The following CUL1 variants were observed in gnomAD, a reference collection of about 807,000 sequenced individuals.
The protein encoded by CUL1 is cullin-1.
CUL1 carries 24 observed loss-of-function variants against 118.0 expected under a neutral mutation model. The ratio of observed to expected loss-of-function variants is 0.20; its 90% CI spans 0.15 to 0.29. CUL1 has a LOEUF of 0.29. CUL1 is among the 10% of genes least tolerant of loss of function. CUL1 has a pLI of 1.00. For missense variants in CUL1, 361 were observed against 933.8 expected (o/e 0.39, Z 7.99); for synonymous variants, 332 against 340.4 (o/e 0.98, Z 0.27).
intron 1 of CUL1, among the ~76,000 whole-genome samples, chr7:148,721,997 A>G (rs1190733601): frequency 1.3e-5 from 2 of 152,236 alleles, no homozygotes; most frequent in Admixed American, 1.3e-4. Context: ...TATGTGCCAC[A>G]CTGCAAGTAA....
chr7:148,746,572 A>G (rs1799315675), intron 2 of CUL1, among the ~76,000 whole-genome samples: 1 of 152,220 alleles, frequency 6.6e-6, no homozygotes, highest in South Asian at 2.1e-4. Flanking sequence ...GGACAACGTT[A>G]TGTGGAAAAA....
chr7:148,798,766 A>G, intron 20 of CUL1, 89 bp downstream of exon 20: 1 of 1,044,822 alleles, frequency 9.6e-7, no homozygotes. Context: ...GGCGGGGGTG[A>G]CAAAGGAGTG....
chr7:148,793,774 TATAGA>T (rs1801096073), intron 17 of CUL1, among the ~76,000 whole-genome samples: 1 of 152,226 alleles, frequency 6.6e-6, no homozygotes, highest in African/African-American at 2.4e-5. Context: ...TATACCTAGG[TATAGA>T]ATTGCTGAGT....
intron 2 of CUL1, among the ~76,000 whole-genome samples, chr7:148,746,971 G>GT (rs367654555): frequency 1.3e-5 from 2 of 152,184 alleles, no homozygotes; most frequent in East Asian, 1.9e-4. Context: ...CTTGTTACGA[G>GT]TTTTTTGCCA....
chr7:148,736,490 A>G (rs1389620437), intron 2 of CUL1, among the ~76,000 whole-genome samples: 2 of 152,012 alleles, frequency 1.3e-5, no homozygotes, highest in South Asian at 2.1e-4. Context: ...TTTTGCAGAC[A>G]TGGAGTCTTG....
intron 1 of CUL1, among the ~76,000 whole-genome samples, chr7:148,716,962 T>G (rs776754514): frequency 6.6e-6 from 1 of 152,336 alleles, no homozygotes; most frequent in Non-Finnish European, 1.5e-5. Flanking sequence ...ATCTGTCATG[T>G]TATTAGATCT....
chr7:148,760,233 T>C, intron 6 of CUL1, 100 bp from the exon 7 acceptor site: 1 of 967,550 alleles, frequency 1.0e-6, no homozygotes. Flanking sequence ...CACATTTACC[T>C]TTTAAACATA....
intron 7 of CUL1, among the ~76,000 whole-genome samples, chr7:148,761,225 T>C (rs1799815607): frequency 6.6e-6 from 1 of 151,690 alleles, no homozygotes. Flanking sequence ...ATAGATATCC[T>C]GGCTGGGCGT....
chr7:148,754,129 T>G lies in CUL1; in HGVS notation c.294T>G (p.Asn98Lys). 6.2e-7 allele frequency: 1 copy of G among 1,607,800 alleles called. No individual in the cohort carries two copies. The highest frequency in any genetic ancestry group is 8.5e-7 in the Non-Finnish European group (1 of 1,176,832). The change falls in exon 3 of 22, where the codon AAT becomes AAG. Residue 98 changes from asparagine to lysine, a missense_variant. Transcript: ENST00000325222. Reference protein sequence around the residue: ...LYKRLKEFLKNYLTNLLKDGE... With the variant: ...LYKRLKEFLKKYLTNLLKDGE... ...AACGACTTAAGGAATTTTTGAAGAA[T>G]TACTTGACAAATCTTCTTAAGGTAA...
chr7:148,741,620 G>T (rs1016296100), intron 2 of CUL1, among the ~76,000 whole-genome samples: 5 of 143,110 alleles, frequency 3.5e-5, no homozygotes, highest in Non-Finnish European at 7.5e-5. Context: ...GGTGTTTGTA[G>T]TAGAGACAGG....
At chr7:148,783,740 C>G (rs1800731814) in intron 9 of CUL1, 43 bp from the exon 10 acceptor site, 2 of 1,601,764 alleles carry the variant, frequency 1.2e-6, no homozygotes, top group Admixed American at 3.3e-5. Context: ...ACAATTTAAT[C>G]CCCAATAACC....
chr7:148,763,365 A>T (rs2129460621), intron 7 of CUL1, among the ~76,000 whole-genome samples: 1 of 152,318 alleles, frequency 6.6e-6, no homozygotes, highest in South Asian at 2.1e-4. Context: ...CACGACTTCC[A>T]TCATATTCTG....
At chr7:148,718,437 T>G (rs1392712471) in intron 1 of CUL1, among the ~76,000 whole-genome samples, 1 of 152,212 alleles carries the variant, frequency 6.6e-6, no homozygotes, top group Non-Finnish European at 1.5e-5. Flanking sequence ...CTCTATAGAT[T>G]TGCCTATTCT....
chr7:148,760,539 C>A, intron 7 of CUL1, 43 bp downstream of exon 7: 1 of 1,372,046 alleles, frequency 7.3e-7, no homozygotes, highest in South Asian at 1.4e-5. Context: ...AAGTTAAAGT[C>A]ATTGCTACTC....
chr7:148,749,369 T>C (rs1799408366), intron 2 of CUL1, among the ~76,000 whole-genome samples: 2 of 137,040 alleles, frequency 1.5e-5, no homozygotes, highest in Admixed American at 1.6e-4. Context: ...TGAGCCAAGA[T>C]TGTGCCACAG....
chr7:148,778,030 T>TCCTGCACTCCTG (rs1453350116), intron 9 of CUL1, among the ~76,000 whole-genome samples: 1 of 121,602 alleles, frequency 8.2e-6, no homozygotes, highest in Non-Finnish European at 1.6e-5. Flanking sequence ...GCCACTGCAC[T>TCCTGCACTCCTG]CCTGCACTCC....
intron 3 of CUL1, among the ~76,000 whole-genome samples, chr7:148,756,351 G>T (rs932374746): frequency 2.0e-5 from 3 of 151,884 alleles, no homozygotes; most frequent in Admixed American, 1.3e-4. Flanking sequence ...TTTGGGAAGG[G>T]GTGCGGCGGA....
At chr7:148,774,649 A>G (rs1338805589) in intron 9 of CUL1, among the ~76,000 whole-genome samples, 1 of 152,224 alleles carries the variant, frequency 6.6e-6, no homozygotes, top group Non-Finnish European at 1.5e-5. Context: ...AGTAGCAACA[A>G]AAAAGCACAA....
intron 7 of CUL1, among the ~76,000 whole-genome samples, chr7:148,764,295 G>T (rs1297934802): frequency 1.3e-5 from 2 of 152,138 alleles, no homozygotes; most frequent in Admixed American, 6.5e-5. Context: ...TGATGATCAG[G>T]AGCCTATTTG....
Sources: allele counts gnomAD v4.1 joint callset (sites outside exome capture counted in the v4.1 genomes callset), GRCh38; gene constraint gnomAD v4.1.1; transcripts MANE v1.5; gene names NCBI Gene and HGNC (gene_info 2026-07-23, HGNC 2026-07-21).